Variants in LETM2 observed in about 807,000 individuals in gnomAD.
LETM2 encodes the protein LETM1 domain-containing protein LETM2, mitochondrial.
A neutral mutation model predicts 59.6 loss-of-function variants in LETM2; 58 were observed. The observed-to-expected ratio is 0.97, with a 90% confidence interval of 0.79 to 1.21. The LOEUF (loss-of-function observed/expected upper bound fraction) is 1.21, where lower values mean the gene tolerates loss of function less well. Ranked by LOEUF, LETM2 falls within the 50% of genes most tolerant of loss-of-function variation. LETM2 has a pLI of 0.00. For synonymous variants in LETM2, 199 were observed against 214.1 expected (o/e 0.93, Z 0.62); for missense variants, 572 against 575.7 (o/e 0.99, Z 0.07).
intron 2 of LETM2, 68 bp from the exon 3 acceptor site, chr8:38,392,474 T>A: frequency 1.1e-6 from 1 of 935,620 alleles, no homozygotes; most frequent in Non-Finnish European, 1.6e-6. Flanking sequence ...TAATAATATG[T>A]GCTTTATGAT....
chr8:38,400,794 G>A (rs927729771), intron 5 of LETM2, 59 bp from the exon 6 acceptor site: 1 of 1,457,334 alleles, frequency 6.9e-7, no homozygotes, highest in Non-Finnish European at 9.5e-7. Context: ...ATAGCCTATT[G>A]GGAAAGTTAA....
Position 38,400,289 on chromosome 8 carries a change from G to A in LETM2, c.663G>A (p.Lys221=). 6.2e-7 allele frequency: 1 copy of A among 1,609,676 alleles called. No homozygotes were observed. Among genetic ancestry groups the A allele is most frequent in the African/African-American group, 1.3e-5 (1 of 74,734 alleles). ...SESKKEEKQK[K]KMAVKLELAK... ...CCATTAAGGAAGAAAAACAGAAAAA[G>A]AAAATGGCTGTAAAGTTGGAACTAG... Residue 221 remains lysine (K), a synonymous_variant, in exon 5 of 11, where the codon AAG becomes AAA. Coordinates refer to ENST00000379957, the MANE Select transcript of LETM2 (RefSeq NM_001286819.2).
chr8:38,400,836 T>G lies in LETM2; in HGVS notation c.784-17T>G. The G allele has an allele frequency of 6.2e-7, 1 of 1,601,818 alleles. No individual in the cohort carries two copies. The highest frequency in any genetic ancestry group is 8.5e-7 in the Non-Finnish European group (1 of 1,172,866). ...TAGAAAACACATTTTAATTGGCCTTTTTGTCCCACTGCATAGGTCCAGACA... is the reference window on the plus strand; with the variant it reads ...TAGAAAACACATTTTAATTGGCCTTGTTGTCCCACTGCATAGGTCCAGACA... On this transcript the variant is annotated splice_polypyrimidine_tract_variant and intron_variant, in intron 5 of 10. Transcript: ENST00000379957.
intron 6 of LETM2, 28 bp from the exon 7 acceptor site, chr8:38,402,497 C>T (rs759616994): frequency 6.2e-7 from 1 of 1,610,518 alleles, no homozygotes. Context: ...ATCAAAAGTT[C>T]CAACTCCATC....
upstream of LETM2, chr8:38,382,743 G>C (rs1293345279): frequency 1.3e-5 from 2 of 152,326 alleles, no homozygotes; most frequent in Non-Finnish European, 2.9e-5. The surrounding 1 kb of genome is among the most constrained non-coding windows in gnomAD (Gnocchi z 4.2). Flanking sequence ...GGGCAGTCCA[G>C]GCGACCCCTC....
Position 38,402,662 on chromosome 8 carries a change from T to C in LETM2, c.1104+18T>C, listed in dbSNP as rs187181549. ...TCACGGAGGCAAGTAGCAGCGCCCC[T>C]CTGGGGTCCTCTTCCCTAGAACTCT... is the stretch of plus-strand genomic sequence containing the variant. On this transcript the variant is annotated intron_variant, in intron 7 of 10. Transcript: ENST00000379957. 102 of 1,613,336 alleles carry C rather than the reference T, an allele frequency of 6.3e-5. No individual in the cohort carries two copies. The African/African-American group carries it at 1.2e-3, about 20-fold the overall frequency.
At chr8:38,402,413 A>G in intron 6 of LETM2, 112 bp from the exon 7 acceptor site, 1 of 1,236,960 alleles carries the variant, frequency 8.1e-7, no homozygotes, top group South Asian at 1.3e-5. Flanking sequence ...CAGCCAGTGC[A>G]GGGGACAAAG....
At chr8:38,402,389 C>T (rs1813303924) in intron 6 of LETM2, 136 bp from the exon 7 acceptor site, 1 of 856,780 alleles carries the variant, frequency 1.2e-6, no homozygotes, top group East Asian at 2.6e-5. Flanking sequence ...CTCCCTACGT[C>T]GCCTTTGCAG....
intron 8 of LETM2, among the ~76,000 whole-genome samples, chr8:38,405,023 C>A (rs563904049): frequency 5.3e-5 from 8 of 152,320 alleles, no homozygotes; most frequent in African/African-American, 1.7e-4. Context: ...TACCTCCAGC[C>A]TTAAGGCTGC....
intron 2 of LETM2, among the ~76,000 whole-genome samples, chr8:38,390,345 G>A (rs1812127945): frequency 6.6e-6 from 1 of 151,720 alleles, no homozygotes; most frequent in African/African-American, 2.4e-5. Flanking sequence ...AAAAGAGCCG[G>A]GTGTGATGGC....
intron 2 of LETM2, among the ~76,000 whole-genome samples, chr8:38,390,792 C>G (rs1812181354): frequency 1.3e-5 from 2 of 150,420 alleles, no homozygotes; most frequent in Non-Finnish European, 3.0e-5. Context: ...AAGCAATTCT[C>G]CTGCCTCAGC....
At position 38,407,483 on chromosome 8, in the gene LETM2, G is replaced by A. The variant is rs1813824081; in HGVS notation, c.1413+20G>A. The A allele has an allele frequency of 6.8e-7, 1 of 1,469,776 alleles. No individual in the cohort carries two copies. The highest frequency in any genetic ancestry group is 1.4e-5 in the African/African-American group (1 of 71,952). The allele number at this position is 1,469,776 out of a possible 1,614,324, so 91.0% of individuals were successfully genotyped here. ...GAACCTGTAAGTATCTTTAATAAATGAAAAAGAAAGAGAAGACCCTTTCCC... is the reference window on the plus strand; with the variant it reads ...GAACCTGTAAGTATCTTTAATAAATAAAAAAGAAAGAGAAGACCCTTTCCC... On this transcript the variant is annotated intron_variant, in intron 10 of 10. Transcript: ENST00000379957.
In LETM2 at chr8:38,397,684, G is replaced by A. The variant is rs118022547; in HGVS notation, c.646-2588G>A. Among the ~76,000 whole-genome samples, 42 of 152,272 alleles carry A rather than the reference G, an allele frequency of 2.8e-4. No individual in the cohort carries two copies. In the East Asian group the frequency reaches 7.9e-3, roughly 29 times the overall value. ...GAATAATGGAAAGGGAACGTTTGAA[G>A]CAGGGTAGCTGGGTGGATGACATGA... On this transcript the variant is annotated intron_variant, in intron 4 of 10. Transcript: ENST00000379957.
rs943114763 is a variant in LETM2, at chr8:38,406,832, T to C, written c.1219-114T>C. 8 of 644,814 alleles carry C rather than the reference T, an allele frequency of 1.2e-5. No individual in the cohort carries two copies. The Admixed American group carries it at 1.3e-4, about 11-fold the overall frequency. 39.9% of individuals were successfully genotyped at this position (644,814 alleles called of 1,614,324 possible). A position where few individuals can be genotyped will look rare whatever the true frequency, so the allele number is the denominator to read the frequency against. On this transcript the variant is annotated intron_variant, in intron 8 of 10. Transcript: ENST00000379957. ...TAAAGGGTGTAGCTAGAGGAGGAAG[T>C]TAGGGATTTAGTGGAAAGCAAATAG... is the stretch of plus-strand genomic sequence containing the variant.
At chr8:38,397,229 TGCAGTG>T (rs1251552763) in intron 4 of LETM2, 2 of 444,462 alleles carry the variant, frequency 4.5e-6, no homozygotes, top group Non-Finnish European at 9.0e-6. Flanking sequence ...CGGGCTGGAG[TGCAGTG>T]GCACAATCTT....
At position 38,407,399 on chromosome 8, in the gene LETM2, C is replaced by A; in HGVS notation, c.1349C>A (p.Ser450Ter). Residue 450 changes from serine (S) to a stop codon, truncating the protein, a stop_gained, in exon 10 of 11, where the codon TCA (serine) becomes TAA (stop). Coordinates refer to ENST00000379957, the MANE Select transcript of LETM2 (RefSeq NM_001286819.2). LOFTEE classifies it high-confidence loss of function. ...ATACAGCCGCCACCAGTTACATCAT[C>A]ACCCATAACACCATCAACACCTATT... ...DFIQPPPVTS[S>*]PITPSTPISL... is the part of the protein sequence containing the mutation. 2 of 1,613,482 alleles carry A rather than the reference C, an allele frequency of 1.2e-6. No homozygotes were observed. The highest frequency in any genetic ancestry group is 1.7e-6 in the Non-Finnish European group (2 of 1,179,480).
In LETM2 at chr8:38,408,522, T is replaced by C; in HGVS notation, c.*248T>C. ...GTACCATTGTCACCCCACTCAACTT[T>C]GTATAAAGCCCACCCCCCATCATGT... On this transcript the variant is annotated 3_prime_UTR_variant, in exon 11 of 11. Transcript: ENST00000379957. 2 of 402,542 alleles carry C rather than the reference T, an allele frequency of 5.0e-6. No individual in the cohort carries two copies. Among genetic ancestry groups the C allele is most frequent in the Non-Finnish European group, 9.1e-6 (2 of 219,164 alleles). The allele number at this position is 402,542 out of a possible 1,614,324, so 24.9% of individuals were successfully genotyped here. A position where few individuals can be genotyped will look rare whatever the true frequency, so the allele number is the denominator to read the frequency against.
chr8:38,406,718 G>C, intron 8 of LETM2: 2 of 426,496 alleles, frequency 4.7e-6, no homozygotes, highest in Non-Finnish European at 8.4e-6. Context: ...GAATCTATCA[G>C]AGTGCAACTT....
intron 7 of LETM2, 56 bp from the exon 8 acceptor site, chr8:38,404,337 A>T: frequency 8.1e-7 from 1 of 1,236,366 alleles, no homozygotes; most frequent in Non-Finnish European, 1.2e-6. Context: ...ATGACCGCGG[A>T]TCACTCTGGC....
Sources: gnomAD v4.1 joint callset for allele counts (sites outside exome capture counted in the v4.1 genomes callset) on GRCh38, gnomAD v4.1.1 for gene constraint, Gnocchi (gnomAD v3.1) non-coding constraint, MANE v1.5 for transcripts, NCBI Gene and HGNC (gene_info 2026-07-23, HGNC 2026-07-21) for gene names.